Variants in TASOR observed in about 807,000 individuals in gnomAD.
TASOR encodes transcription activation suppressor.
In TASOR, 53 loss-of-function variants were observed where a neutral mutation model predicts 178.6. The ratio of observed to expected loss-of-function variants is 0.30; its 90% CI spans 0.24 to 0.37. The LOEUF (loss-of-function observed/expected upper bound fraction) is 0.37, where lower values mean the gene tolerates loss of function less well. Ranked by LOEUF, TASOR falls within the 10% of genes least tolerant of loss-of-function variation. The probability of loss-of-function intolerance (pLI) is 1.00; values close to 1 mark genes in which losing one functional copy is unlikely to be tolerated. For synonymous variants in TASOR, 713 were observed against 696.2 expected, an observed-to-expected ratio of 1.02 and a Z score of -0.38; for missense variants, 1,815 against 1,971.4, an observed-to-expected ratio of 0.92 and a Z score of 1.50.
chr3:56,662,312 A>G (rs2077615545), intron 9 of TASOR, 73 bp downstream of exon 9: 3 of 795,710 alleles, frequency 3.8e-6, no homozygotes, highest in Non-Finnish European at 4.1e-6. Context: ...TTAAATATGA[A>G]AAAGAAATAA....
At chr3:56,673,051 C>G (rs1578294096) in intron 2 of TASOR, among the ~76,000 whole-genome samples, 1 of 152,130 alleles carries the variant, frequency 6.6e-6, no homozygotes, top group East Asian at 1.9e-4. Flanking sequence ...CCTCAAGCGA[C>G]CCGTCCACCT....
chr3:56,637,281 T>C (rs955508676), intron 17 of TASOR, among the ~76,000 whole-genome samples: 1 of 152,190 alleles, frequency 6.6e-6, no homozygotes, highest in Non-Finnish European at 1.5e-5. Context: ...AATAAAGATC[T>C]GTGGCCAGGT....
rs1194596087 is a variant in TASOR at position 56,682,701 on chromosome 3, G to A, written c.306C>T (p.Ile102=). 1.3e-6 allele frequency: 2 copies of A among 1,481,878 alleles called. No homozygotes were observed. Among genetic ancestry groups the A allele is most frequent in the Non-Finnish European group, 1.8e-6 (2 of 1,113,424 alleles). 91.8% of individuals were successfully genotyped at this position (1,481,878 alleles called of 1,614,324 possible). A position where few individuals can be genotyped will look rare whatever the true frequency, so the allele number is the denominator to read the frequency against. Residue 102 remains isoleucine, a synonymous_variant, in exon 1 of 24, where the codon ATC becomes ATT. Transcript: ENST00000683822. ...CTTTCTTTTCTCTGCTCTTCCTGGGGATCTGAAAACTCCTCCTAACAGGCC... is the reference window on the plus strand; with the variant it reads ...CTTTCTTTTCTCTGCTCTTCCTGGGAATCTGAAAACTCCTCCTAACAGGCC... ...PERPVRRSFQ[I]PRKSREKKAL... is the part of the protein sequence containing the mutation.
Position 56,647,065 on chromosome 3 carries a change from C to T in TASOR, c.1672G>A (p.Val558Ile), listed in dbSNP as rs2077251200. ...AAACCTCGCTTAAAAAATTCACTTA[C>T]ATACTTTTCAACAACAGAATGAAAA... ...INFHSVVEKY[V>I]SEFFKRGFGS... The change falls in exon 14 of 24, where the codon GTA becomes ATA. Residue 558 changes from valine (V) to isoleucine (I), a missense_variant. Transcript: ENST00000683822. The T allele has an allele frequency of 6.2e-7, 1 of 1,607,294 alleles. No homozygotes were observed. The highest frequency in any genetic ancestry group is 8.5e-7 in the Non-Finnish European group (1 of 1,178,450).
chr3:56,623,473 G>T lies in TASOR; in HGVS notation c.4577C>A (p.Ser1526Ter). The change falls in exon 24 of 24, where the codon TCA becomes TAA. Residue 1526 changes from serine to a stop codon, truncating the protein, a stop_gained. Transcript: ENST00000683822. LOFTEE classifies it high-confidence loss of function. ...TTTGGTCTCTTTCTCCCATATTTCT[G>T]AATGAAAATTGCTGCATACTTCTAT... is the stretch of plus-strand genomic sequence containing the variant. Reference protein sequence around the residue: ...SHIEVCSNFHSEIWEKETKGS... With the variant: ...SHIEVCSNFH 1 of 1,613,148 alleles carries T rather than the reference G, an allele frequency of 6.2e-7. No individual in the cohort carries two copies. Among genetic ancestry groups the T allele is most frequent in the Non-Finnish European group, 8.5e-7 (1 of 1,179,940 alleles).
intron 17 of TASOR, among the ~76,000 whole-genome samples, chr3:56,634,575 C>T (rs939079794): frequency 1.3e-5 from 2 of 152,004 alleles, no homozygotes; most frequent in Non-Finnish European, 2.9e-5. Flanking sequence ...ATAAAAGGAA[C>T]AATAATAAGA....
chr3:56,625,901 C>A (rs1053738317), intron 21 of TASOR, among the ~76,000 whole-genome samples: 1 of 152,110 alleles, frequency 6.6e-6, no homozygotes, highest in East Asian at 2.0e-4. Context: ...GGATTACAGG[C>A]GTAAGCCACC....
chr3:56,649,387 C>G (rs1414466747), intron 11 of TASOR, among the ~76,000 whole-genome samples: 1 of 152,178 alleles, frequency 6.6e-6, no homozygotes, highest in African/African-American at 2.4e-5. Flanking sequence ...GTTCAAAAGA[C>G]ATGTTTATTA....
At chr3:56,660,710 A>G in intron 11 of TASOR, 21 bp downstream of exon 11, 1 of 1,567,272 alleles carries the variant, frequency 6.4e-7, no homozygotes, top group Non-Finnish European at 8.8e-7. Flanking sequence ...AATGAGAAAC[A>G]TTAAAAAACT....
chr3:56,632,147 CCTCT>C (rs373862430), intron 18 of TASOR, among the ~76,000 whole-genome samples: 9 of 152,212 alleles, frequency 5.9e-5, no homozygotes, highest in South Asian at 2.1e-4. Context: ...CTTAACTTTT[CCTCT>C]CTGTTTTTTT....
intron 18 of TASOR, among the ~76,000 whole-genome samples, chr3:56,630,741 A>G (rs1424331656): frequency 2.0e-5 from 3 of 152,148 alleles, no homozygotes; most frequent in African/African-American, 7.2e-5. Flanking sequence ...GCTATTTGGG[A>G]GGATGAGGCA....
At chr3:56,671,525 G>A (rs2030734800) in intron 3 of TASOR, 75 bp downstream of exon 3, 2 of 1,083,006 alleles carry the variant, frequency 1.8e-6, no homozygotes, top group Non-Finnish European at 2.7e-6. Flanking sequence ...AAAGAATACT[G>A]TTGAATAATC....
chr3:56,671,514 T>C (rs2030733891), intron 3 of TASOR, 86 bp downstream of exon 3: 2 of 925,292 alleles, frequency 2.2e-6, no homozygotes, highest in South Asian at 3.6e-5. Flanking sequence ...TCTGTAATTG[T>C]AAAGAATACT....
At chr3:56,651,123 T>C (rs1186766593) in intron 11 of TASOR, among the ~76,000 whole-genome samples, 1 of 152,162 alleles carries the variant, frequency 6.6e-6, no homozygotes, top group Non-Finnish European at 1.5e-5. Flanking sequence ...AAGCAATCTA[T>C]GATCAGAAAC....
Position 56,622,824 on chromosome 3 carries a change from T to C in TASOR, c.*213A>G, listed in dbSNP as rs767030692. The C allele has an allele frequency of 4.7e-5, 16 of 336,988 alleles. No individual in the cohort carries two copies. The highest frequency in any genetic ancestry group is 2.5e-4 in the African/African-American group (12 of 47,152). The allele number at this position is 336,988 out of a possible 1,614,324, so 20.9% of individuals were successfully genotyped here. A position where few individuals can be genotyped will look rare whatever the true frequency, so the allele number is the denominator to read the frequency against. ...CAGGTAACATACAAAAAGTAAAACT[T>C]AGAAGTGCCAACATGAGATAATTCA... On this transcript the variant is annotated 3_prime_UTR_variant, in exon 24 of 24. Coordinates refer to ENST00000683822, the MANE Select transcript of TASOR (RefSeq NM_001365635.2).
chr3:56,637,232 G>T (rs1471871822), intron 17 of TASOR, among the ~76,000 whole-genome samples: 1 of 152,174 alleles, frequency 6.6e-6, no homozygotes, highest in Non-Finnish European at 1.5e-5. Flanking sequence ...TGATTTGGGT[G>T]ATGGTCATGT....
At chr3:56,648,293 T>C (rs964537203) in intron 13 of TASOR, among the ~76,000 whole-genome samples, 1 of 152,002 alleles carries the variant, frequency 6.6e-6, no homozygotes, top group African/African-American at 2.4e-5. Flanking sequence ...AATCAAGCTT[T>C]ATGAGAGCAC....
chr3:56,644,854 TTCTC>T (rs147007321), intron 14 of TASOR, among the ~76,000 whole-genome samples: 4,054 of 152,340 alleles, frequency 0.027, 89 homozygotes, highest in African/African-American at 0.062. Flanking sequence ...AATGGAAATG[TTCTC>T]TCTCTGTACT....
intron 18 of TASOR, chr3:56,628,929 A>ATTTTTTTTTTTTTT (rs58944810): frequency 8.2e-6 from 1 of 122,210 alleles, no homozygotes; most frequent in Non-Finnish European, 1.6e-5. Flanking sequence ...TACCAGGCTA[A>ATTTTTTTTTTTTTT]TTTTTTTTTT....
Sources: allele counts gnomAD v4.1 joint callset (sites outside exome capture counted in the v4.1 genomes callset), GRCh38; gene constraint gnomAD v4.1.1; transcripts MANE v1.5; gene names NCBI Gene and HGNC (gene_info 2026-07-23, HGNC 2026-07-21).